The following ADAMTS8 variants were observed in gnomAD, a reference collection of about 807,000 sequenced individuals.
ADAMTS8 encodes the protein A disintegrin and metalloproteinase with thrombospondin motifs 8.
ADAMTS8 carries 50 observed loss-of-function variants against 64.4 expected under a neutral mutation model. That is an observed-to-expected ratio of 0.78 (90% CI 0.62 to 0.98). ADAMTS8 has a LOEUF of 0.98. Among genes scored for constraint, ADAMTS8 ranks in the 50% least tolerant of loss-of-function variants. The pLI is 0.00. For synonymous variants in ADAMTS8, 556 were observed against 533.6 expected (o/e 1.04, Z -0.58); for missense variants, 1,192 against 1,208.2 (o/e 0.99, Z 0.20).
intron 1 of ADAMTS8, among the ~76,000 whole-genome samples, chr11:130,421,262 G>T (rs531410435): frequency 6.6e-6 from 1 of 152,164 alleles, no homozygotes; most frequent in Admixed American, 6.5e-5. Flanking sequence ...AGTGAAGACC[G>T]GAGGAAGGTG....
At chr11:130,409,878 C>T (rs907881542) in intron 6 of ADAMTS8, among the ~76,000 whole-genome samples, 3 of 152,256 alleles carry the variant, frequency 2.0e-5, no homozygotes, top group South Asian at 2.1e-4. Flanking sequence ...CCATACTCCA[C>T]GCCTGAGACT....
chr11:130,419,887 G>C (rs114663308), intron 1 of ADAMTS8, among the ~76,000 whole-genome samples: 6,763 of 152,014 alleles, frequency 0.044, 190 homozygotes, highest in South Asian at 0.098. Flanking sequence ...TCTACTCTTT[G>C]GGGGGGGATT....
chr11:130,415,513 C>T (rs776238545), intron 4 of ADAMTS8, among the ~76,000 whole-genome samples: 22 of 151,122 alleles, frequency 1.5e-4, no homozygotes, highest in Non-Finnish European at 1.9e-4. Flanking sequence ...CCATGTTGGA[C>T]GGGCTGGTCT....
chr11:130,405,766 T>G lies in ADAMTS8; in HGVS notation c.2462A>C (p.Glu821Ala). The G allele has an allele frequency of 1.2e-6, 2 of 1,614,202 alleles. No individual in the cohort carries two copies. The highest frequency in any genetic ancestry group is 2.7e-5 in the African/African-American group (2 of 75,082). ...CTGGATGATGTTGGTGGTTGCTCTCTCTTTGCTGCTCTGCATGCTAAAGTC... is the reference window on the plus strand; with the variant it reads ...CTGGATGATGTTGGTGGTTGCTCTCGCTTTGCTGCTCTGCATGCTAAAGTC... ...DVDFSMQSSK[E>A]RATTNIIQPL... Residue 821 changes from glutamate (E) to alanine (A), a missense_variant, in exon 9 of 9, where the codon GAG becomes GCG. Glu to Ala is a moderately radical substitution (Grantham distance 107, BLOSUM62 -1). This residue lies in a region of ADAMTS8 where 147 missense variants were observed against 154.1 expected (regional missense o/e 0.95). Coordinates refer to ENST00000257359, the MANE Select transcript of ADAMTS8 (RefSeq NM_007037.6).
At chr11:130,425,420 C>G (rs1862150863) in intron 1 of ADAMTS8, among the ~76,000 whole-genome samples, 1 of 152,050 alleles carries the variant, frequency 6.6e-6, no homozygotes, top group African/African-American at 2.4e-5. Context: ...GACAGTCTGG[C>G]CCTGAAGGCT....
At chr11:130,426,756 G>A (rs1862171698) in intron 1 of ADAMTS8, among the ~76,000 whole-genome samples, 1 of 152,216 alleles carries the variant, frequency 6.6e-6, no homozygotes, top group South Asian at 2.1e-4. Flanking sequence ...TAAGAGCTGT[G>A]TCTGGGCTAA....
At chr11:130,422,186 C>T (rs1862108754) in intron 1 of ADAMTS8, among the ~76,000 whole-genome samples, 1 of 152,076 alleles carries the variant, frequency 6.6e-6, no homozygotes, top group Non-Finnish European at 1.5e-5. Flanking sequence ...ATGTCTGTAA[C>T]CCCAGCACTT....
At chr11:130,408,128 C>G (rs1324413154) in intron 8 of ADAMTS8, among the ~76,000 whole-genome samples, 1 of 152,122 alleles carries the variant, frequency 6.6e-6, no homozygotes, top group Non-Finnish European at 1.5e-5. Flanking sequence ...GGCAGAGGTC[C>G]AGGTTACTCA....
intron 5 of ADAMTS8, among the ~76,000 whole-genome samples, chr11:130,414,144 G>C: frequency 7.2e-6 from 1 of 139,710 alleles, no homozygotes. Flanking sequence ...TTTTTTTGGA[G>C]ACAGGGTCTC....
At position 130,405,652 on chromosome 11, in the gene ADAMTS8, C is replaced by A; in HGVS notation, c.2576G>T (p.Cys859Phe). The A allele has an allele frequency of 6.2e-7, 1 of 1,614,124 alleles. No individual in the cohort carries two copies. Among genetic ancestry groups the A allele is most frequent in the Non-Finnish European group, 8.5e-7 (1 of 1,180,014 alleles). The stretch of plus-strand genomic sequence containing the variant: ...AGAGGCCTGGCCGGAGGGGTCCCTG[C>A]ACTCTACAGTTCGCCTCTGCCAGCC... ...GAGWQRRTVE[C>F]RDPSGQASAT... Residue 859 changes from cysteine (C) to phenylalanine (F), a missense_variant, in exon 9 of 9, where the codon TGC (cysteine) becomes TTC (phenylalanine). Cys to Phe is a radical substitution (Grantham distance 205, BLOSUM62 -2). Transcript: ENST00000257359.
chr11:130,408,503 T>C lies in ADAMTS8; in HGVS notation c.2060A>G (p.Asn687Ser). 1 of 1,613,512 alleles carries C rather than the reference T, an allele frequency of 6.2e-7. No homozygotes were observed. Among genetic ancestry groups the C allele is most frequent in the East Asian group, 2.2e-5 (1 of 44,842 alleles). ...DKCGVCGGKG[N>S]SCRKVSGSLT... ...GGACCCGGAGACCTTCCTGCAGGAG[T>C]TGCCTTTGCCCCCACACACCCCGCA... The change falls in exon 8 of 9, where the codon AAC becomes AGC. Residue 687 changes from asparagine to serine, a missense_variant. Physicochemically the swap from Asn to Ser is conservative, Grantham distance 46. Transcript: ENST00000257359.
chr11:130,428,542 T>G lies in ADAMTS8; in HGVS notation c.-256A>C. 1.3e-6 allele frequency: 1 copy of G among 759,778 alleles called. No homozygotes were observed. The highest frequency in any genetic ancestry group is 1.6e-6 in the Non-Finnish European group (1 of 624,770). The allele number at this position is 759,778 out of a possible 1,614,324, so 47.1% of individuals were successfully genotyped here. On this transcript the variant is annotated 5_prime_UTR_variant, in exon 1 of 9. Transcript: ENST00000257359. ...GCTGGCCCCGGCCCGCGTGCGCCCG[T>G]CCTCCGCCCCTGCCCGCGCCAGCCC...
In ADAMTS8 at chr11:130,416,026, A is replaced by G; in HGVS notation, c.1264+137T>C. ...AGAGCAGACTTCGGGGGTGGTGTGAATGCCCCAGCGTGGGAGGCTGGCCGG... is the reference window on the plus strand; with the variant it reads ...AGAGCAGACTTCGGGGGTGGTGTGAGTGCCCCAGCGTGGGAGGCTGGCCGG... On this transcript the variant is annotated intron_variant, in intron 4 of 8. Transcript: ENST00000257359. The surrounding 1 kb of genome is among the most constrained non-coding windows in gnomAD (Gnocchi z 4.8). The G allele has an allele frequency of 9.7e-7, 1 of 1,029,376 alleles. No individual in the cohort carries two copies. The highest frequency in any genetic ancestry group is 1.8e-5 in the South Asian group (1 of 54,204). The allele number at this position is 1,029,376 out of a possible 1,614,324, so 63.8% of individuals were successfully genotyped here.
In ADAMTS8 at chr11:130,405,654, C is replaced by T. The variant is rs373240029; in HGVS notation, c.2574G>A (p.Glu858=). 5.4e-5 allele frequency: 87 copies of T among 1,614,018 alleles called. No homozygotes were observed. The highest frequency in any genetic ancestry group is 6.9e-5 in the Non-Finnish European group (81 of 1,180,018). Residue 858 remains glutamate, a synonymous_variant, in exon 9 of 9, where the codon GAG becomes GAA. Transcript: ENST00000257359. ...CGAGWQRRTV[E]CRDPSGQASA... ...AGGCCTGGCCGGAGGGGTCCCTGCA[C>T]TCTACAGTTCGCCTCTGCCAGCCGG...
In ADAMTS8 at chr11:130,411,310, C is replaced by G; in HGVS notation, c.1750+107G>C. The G allele has an allele frequency of 7.2e-7, 1 of 1,393,472 alleles. No homozygotes were observed. The highest frequency in any genetic ancestry group is 9.8e-7 in the Non-Finnish European group (1 of 1,017,608). The allele number at this position is 1,393,472 out of a possible 1,614,324, so 86.3% of individuals were successfully genotyped here. A position where few individuals can be genotyped will look rare whatever the true frequency, so the allele number is the denominator to read the frequency against. ...AATTTACTCCCCTCTGGGAGTAACT[C>G]TATATCCCGGGACACCCACTTCACT... On this transcript the variant is annotated intron_variant, in intron 6 of 8. Coordinates refer to ENST00000257359, the MANE Select transcript of ADAMTS8 (RefSeq NM_007037.6). The surrounding 1 kb of genome is among the most constrained non-coding windows in gnomAD (Gnocchi z 4.2).
At chr11:130,425,253 C>A (rs1320932785) in intron 1 of ADAMTS8, among the ~76,000 whole-genome samples, 1 of 152,104 alleles carries the variant, frequency 6.6e-6, no homozygotes, top group East Asian at 1.9e-4. Context: ...GGGTGCAAAC[C>A]CAAGCAGAGT....
At position 130,428,034 on chromosome 11, in the gene ADAMTS8, CG is replaced by C; in HGVS notation, c.252del (p.Gly86AlafsTer21). 4 of 1,527,822 alleles carry C rather than the reference CG, an allele frequency of 2.6e-6. No individual in the cohort carries two copies. The highest frequency in any genetic ancestry group is 3.5e-6 in the Non-Finnish European group (4 of 1,144,198). The allele number at this position is 1,527,822 out of a possible 1,614,324, so 94.6% of individuals were successfully genotyped here. Reference sequence around the variant, plus strand: ...CCCCCGGTCGCCCGGCCGGAGCCCCCGAGGCGCTCGATCTTGAACTCGGGCG... The same window carrying C: ...CCCCCGGTCGCCCGGCCGGAGCCCCCAGGCGCTCGATCTTGAACTCGGGCG... Reference protein sequence around the residue: ...FLAPEFKIERLGGSGRATGGE... With the variant: ...FLAPEFKIERXGGSGRATGGE... On this transcript the variant is annotated frameshift_variant, in exon 1 of 9. Coordinates refer to ENST00000257359, the MANE Select transcript of ADAMTS8 (RefSeq NM_007037.6). LOFTEE classifies it high-confidence loss of function.
At chr11:130,424,675 A>G (rs1455185272) in intron 1 of ADAMTS8, among the ~76,000 whole-genome samples, 2 of 152,076 alleles carry the variant, frequency 1.3e-5, no homozygotes, top group African/African-American at 4.8e-5. Context: ...GAGGCACGGG[A>G]ACTTGATTTT....
intron 1 of ADAMTS8, among the ~76,000 whole-genome samples, chr11:130,422,632 AGAG>A (rs1862115386): frequency 6.6e-6 from 1 of 152,224 alleles, no homozygotes; most frequent in African/African-American, 2.4e-5. Flanking sequence ...GAAAGAAGTG[AGAG>A]GAGAAAAGAG....
Sources: allele counts gnomAD v4.1 joint callset (sites outside exome capture counted in the v4.1 genomes callset), GRCh38; gene constraint gnomAD v4.1.1; regional missense constraint gnomAD v4.1.1; non-coding constraint Gnocchi (gnomAD v3.1); transcripts MANE v1.5; gene names NCBI Gene and HGNC (gene_info 2026-07-23, HGNC 2026-07-21).